DACH2: variants seen among roughly 807,000 people sequenced by gnomAD.
The protein encoded by DACH2 is dachshund homolog 2.
DACH2 carries 17 observed loss-of-function variants against 35.8 expected under a neutral mutation model. The observed-to-expected ratio is 0.48, with a 90% CI of 0.33 to 0.71. The LOEUF (loss-of-function observed/expected upper bound fraction) is 0.71, where lower values mean the gene tolerates loss of function less well. DACH2 is among the 30% of genes least tolerant of loss of function. The probability of loss-of-function intolerance (pLI) is 0.02; values close to 1 mark genes in which losing one functional copy is unlikely to be tolerated. For missense variants in DACH2, 469 were observed against 472.7 expected (o/e 0.99, Z 0.07); for synonymous variants, 195 against 177.3 (o/e 1.10, Z -0.79).
At chrX:86,295,048 G>T (rs1020577865) in intron 1 of DACH2, among the ~76,000 whole-genome samples, 1 of 112,705 alleles carries the variant, frequency 8.9e-6, no homozygotes, top group African/African-American at 3.2e-5. Flanking sequence ...TTTGATCTTA[G>T]ACTGCTGTGC....
intron 3 of DACH2, among the ~76,000 whole-genome samples, chrX:86,519,698 A>G (rs2038523359): frequency 9.0e-6 from 1 of 111,125 alleles, no homozygotes; most frequent in East Asian, 2.8e-4. Context: ...TCTTCATAGT[A>G]GTTTCTGATG....
chrX:86,398,931 G>A (rs865782823), intron 2 of DACH2, among the ~76,000 whole-genome samples: 4 of 111,477 alleles, frequency 3.6e-5, no homozygotes, highest in Non-Finnish European at 7.5e-5. Flanking sequence ...TTCAATTCCT[G>A]GATATCCTTG....
intron 7 of DACH2, among the ~76,000 whole-genome samples, chrX:86,762,417 GGAGA>G (rs747252278): frequency 9.0e-5 from 10 of 111,337 alleles, no homozygotes; most frequent in Non-Finnish European, 1.5e-4. Context: ...ATGGAAATGA[GGAGA>G]GAAAGGCAAT....
At chrX:86,669,146 A>G (rs1299051434) in intron 4 of DACH2, among the ~76,000 whole-genome samples, 1 of 110,687 alleles carries the variant, frequency 9.0e-6, no homozygotes, top group Non-Finnish European at 1.9e-5. Flanking sequence ...TTTCTTGTTT[A>G]ATGTTAATGG....
intron 5 of DACH2, among the ~76,000 whole-genome samples, chrX:86,708,732 A>G (rs2041246717): frequency 9.0e-6 from 1 of 111,283 alleles, no homozygotes; most frequent in African/African-American, 3.3e-5. Context: ...TTTCACCACT[A>G]CACAATATAT....
At chrX:86,238,690 T>C (rs1352515112) in intron 1 of DACH2, among the ~76,000 whole-genome samples, 1 of 110,502 alleles carries the variant, frequency 9.0e-6, no homozygotes, top group Admixed American at 9.7e-5. Flanking sequence ...AATTCAGATA[T>C]AATAATAGCT....
intron 1 of DACH2, among the ~76,000 whole-genome samples, chrX:86,333,548 C>G (rs776102410): frequency 6.6e-4 from 74 of 111,468 alleles, no homozygotes; most frequent in African/African-American, 2.4e-3. Flanking sequence ...AACTAGTGGA[C>G]AAGTCCAAAC....
chrX:86,159,759 A>T (rs1231698146), intron 1 of DACH2, among the ~76,000 whole-genome samples: 2 of 111,774 alleles, frequency 1.8e-5, no homozygotes, highest in African/African-American at 6.5e-5. Context: ...GTTAACTCTC[A>T]GCTAACCTAC....
intron 2 of DACH2, among the ~76,000 whole-genome samples, chrX:86,423,284 A>G (rs1272535080): frequency 1.8e-5 from 2 of 111,115 alleles, no homozygotes; most frequent in African/African-American, 6.5e-5. Flanking sequence ...CACTCCCACT[A>G]ATAGTCTAGG....
At chrX:86,506,340 C>T (rs182424240) in intron 2 of DACH2, among the ~76,000 whole-genome samples, 22 of 111,956 alleles carry the variant, frequency 2.0e-4, no homozygotes, top group African/African-American at 6.5e-4. Flanking sequence ...TTGTGGCCCC[C>T]TCCATCTTCA....
intron 4 of DACH2, among the ~76,000 whole-genome samples, chrX:86,671,111 G>A (rs996212366): frequency 3.6e-5 from 4 of 112,044 alleles, no homozygotes; most frequent in East Asian, 5.6e-4. Context: ...AAGTCTGTAT[G>A]TCTTCTCTGC....
intron 2 of DACH2, among the ~76,000 whole-genome samples, chrX:86,463,453 G>A (rs1363977569): frequency 9.0e-6 from 1 of 110,511 alleles, no homozygotes; most frequent in Non-Finnish European, 1.9e-5. Flanking sequence ...AAATGGTGCT[G>A]GAAAAAGTGA....
At chrX:86,349,992 C>A (rs1018517024) in intron 1 of DACH2, among the ~76,000 whole-genome samples, 4 of 110,778 alleles carry the variant, frequency 3.6e-5, no homozygotes, top group African/African-American at 1.3e-4. Context: ...CTGGTGAAAC[C>A]CCCCGTCTCT....
chrX:86,693,313 G>A (rs2041030654), intron 4 of DACH2, among the ~76,000 whole-genome samples: 1 of 111,986 alleles, frequency 8.9e-6, no homozygotes, highest in South Asian at 3.7e-4. Context: ...ACGTTTGATT[G>A]GAAAATCTGT....
At chrX:86,553,270 G>A (rs778122584) in intron 3 of DACH2, among the ~76,000 whole-genome samples, 147 of 111,463 alleles carry the variant, frequency 1.3e-3, no homozygotes, top group African/African-American at 4.5e-3. Context: ...ATGTTGAAGG[G>A]CAGGAAGCAA....
At chrX:86,792,127 C>A (rs899991354) in intron 7 of DACH2, among the ~76,000 whole-genome samples, 14 of 111,406 alleles carry the variant, frequency 1.3e-4, no homozygotes, top group Non-Finnish European at 2.6e-4. Flanking sequence ...AATATTTTGG[C>A]AGGCATGTTA....
chrX:86,597,064 G>A (rs1355936195), intron 3 of DACH2, among the ~76,000 whole-genome samples: 1 of 111,751 alleles, frequency 8.9e-6, no homozygotes, highest in African/African-American at 3.2e-5. Flanking sequence ...AAATTGGGAA[G>A]TTTGAGTCCC....
At chrX:86,441,896 T>C (rs1200648511) in intron 2 of DACH2, among the ~76,000 whole-genome samples, 1 of 106,991 alleles carries the variant, frequency 9.3e-6, no homozygotes, top group African/African-American at 3.4e-5. Flanking sequence ...TATGTATATA[T>C]ATTAGTGACA....
At chrX:86,641,229 A>G (rs2040343096) in intron 3 of DACH2, among the ~76,000 whole-genome samples, 1 of 112,072 alleles carries the variant, frequency 8.9e-6, no homozygotes, top group African/African-American at 3.2e-5. Context: ...CAGGAGCTGA[A>G]GGACAAAACA....
Sources: allele counts gnomAD v4.1 joint callset (sites outside exome capture counted in the v4.1 genomes callset), GRCh38; gene constraint gnomAD v4.1.1; transcripts MANE v1.5; gene names NCBI Gene and HGNC (gene_info 2026-07-23, HGNC 2026-07-21).